The following CDH8 variants were observed in gnomAD, a reference collection of about 807,000 sequenced individuals.
CDH8 encodes cadherin-8.
Under a neutral mutation model 68.1 loss-of-function variants are expected in CDH8, and 17 were observed. The ratio of observed to expected loss-of-function variants is 0.25; its 90% CI spans 0.17 to 0.37. The LOEUF is 0.37. CDH8 is among the 10% of genes least tolerant of loss of function. The pLI is 1.00. For missense variants in CDH8, 763 were observed against 999.3 expected (o/e 0.76, Z 3.19); for synonymous variants, 372 against 365.1 (o/e 1.02, Z -0.21).
intron 2 of CDH8, among the ~76,000 whole-genome samples, chr16:61,954,188 T>A (rs1964945848): frequency 6.6e-6 from 1 of 151,890 alleles, no homozygotes; most frequent in Non-Finnish European, 1.5e-5. Flanking sequence ...TAAAACACAT[T>A]TTGAAGTTGG....
intron 2 of CDH8, among the ~76,000 whole-genome samples, chr16:61,948,641 G>T (rs971942455): frequency 2.1e-4 from 32 of 152,278 alleles, no homozygotes; most frequent in African/African-American, 7.2e-4. Context: ...CAAACCCAGG[G>T]AGTCATTGTT....
intron 3 of CDH8, among the ~76,000 whole-genome samples, chr16:61,863,616 C>T (rs140242564): frequency 6.6e-6 from 1 of 152,224 alleles, no homozygotes; most frequent in East Asian, 1.9e-4. Context: ...AAAGCTAAAA[C>T]TCTTATGATC....
At chr16:61,700,102 C>T (rs74870650) in intron 10 of CDH8, among the ~76,000 whole-genome samples, 10,064 of 152,054 alleles carry the variant, frequency 0.066, 742 homozygotes, top group East Asian at 0.23. Context: ...CAGTATCTTA[C>T]ATTTGATGGC....
intron 5 of CDH8, among the ~76,000 whole-genome samples, chr16:61,824,723 C>T (rs1367545866): frequency 6.6e-6 from 1 of 151,888 alleles, no homozygotes; most frequent in Non-Finnish European, 1.5e-5. Flanking sequence ...CCCTCTCAAG[C>T]TTTCATAAAG....
chr16:61,731,711 A>G (rs1003165294), intron 8 of CDH8, among the ~76,000 whole-genome samples: 2 of 151,780 alleles, frequency 1.3e-5, no homozygotes, highest in Non-Finnish European at 1.5e-5. Flanking sequence ...AGTTTCCAAA[A>G]AAAGTTACAT....
At chr16:61,921,296 C>T (rs1272735580) in intron 2 of CDH8, among the ~76,000 whole-genome samples, 1 of 150,628 alleles carries the variant, frequency 6.6e-6, no homozygotes, top group Non-Finnish European at 1.5e-5. Flanking sequence ...AAGAGTGTAG[C>T]CTGATTGTTT....
chr16:61,666,674 AT>A (rs1371343071), intron 10 of CDH8, among the ~76,000 whole-genome samples: 43 of 152,040 alleles, frequency 2.8e-4, no homozygotes, highest in Admixed American at 2.8e-3. Flanking sequence ...TGACTTGCAA[AT>A]TTATTTCAAA....
chr16:61,665,752 T>TTTCCTTCCTTCCTTCCTTCCTTCC (rs35414891), intron 10 of CDH8, among the ~76,000 whole-genome samples: 35 of 99,738 alleles, frequency 3.5e-4, no homozygotes, highest in East Asian at 2.5e-3. Flanking sequence ...CTGAATTTAT[T>TTTCCTTCCTTCCTTCCTTCCTTCC]TTCCTTCCTT....
chr16:61,701,776 T>C (rs2142849836), intron 10 of CDH8, among the ~76,000 whole-genome samples: 1 of 152,320 alleles, frequency 6.6e-6, no homozygotes, highest in East Asian at 1.9e-4. Context: ...TGACTAACTT[T>C]CCAGCAAGCA....
chr16:61,768,398 TTC>T (rs530131371), intron 8 of CDH8, among the ~76,000 whole-genome samples: 362 of 35,198 alleles, frequency 0.01, 12 homozygotes, highest in African/African-American at 0.039. Flanking sequence ...CTCTCTCCCT[TTC>T]TCTCTCTCTC....
At position 61,929,944 on chromosome 16, in the gene CDH8, T is replaced by G. The variant is rs541911172; in HGVS notation, c.253-28471A>C. 5.9e-5 allele frequency among the ~76,000 whole-genome samples: 9 copies of G among 152,236 alleles called. No homozygotes were observed. In the South Asian group the frequency reaches 1.5e-3, roughly 25 times the overall value. ...ATATTCAAAACACATGTCAATTACATGACTCAGCCAAAAGCCAATATTAAA... is the reference window on the plus strand; with the variant it reads ...ATATTCAAAACACATGTCAATTACAGGACTCAGCCAAAAGCCAATATTAAA... On this transcript the variant is annotated intron_variant, in intron 2 of 11. Coordinates refer to ENST00000577390, the MANE Select transcript of CDH8 (RefSeq NM_001796.5).
intron 10 of CDH8, among the ~76,000 whole-genome samples, chr16:61,672,297 A>G (rs1459746847): frequency 6.6e-6 from 1 of 152,094 alleles, no homozygotes; most frequent in East Asian, 1.9e-4. Context: ...AAAGGCTTAT[A>G]TTAGGTGCAA....
intron 3 of CDH8, among the ~76,000 whole-genome samples, chr16:61,875,964 C>T (rs1485614526): frequency 6.6e-6 from 1 of 152,162 alleles, no homozygotes; most frequent in Non-Finnish European, 1.5e-5. Context: ...GCAACCTCTG[C>T]CTCCCATGTT....
At chr16:61,840,492 C>A (rs1301628595) in intron 4 of CDH8, among the ~76,000 whole-genome samples, 1 of 152,104 alleles carries the variant, frequency 6.6e-6, no homozygotes, top group African/African-American at 2.4e-5. Context: ...TAGAAAAATA[C>A]CTGGCACATA....
intron 8 of CDH8, among the ~76,000 whole-genome samples, chr16:61,768,356 C>CCCTT (rs1960667397): frequency 1.9e-4 from 21 of 112,130 alleles, no homozygotes; most frequent in Non-Finnish European, 3.2e-4. Context: ...CTCTCTCTCT[C>CCCTT]TCTCTCTCTC....
chr16:61,864,363 C>T (rs573939989), intron 3 of CDH8, among the ~76,000 whole-genome samples: 1 of 151,786 alleles, frequency 6.6e-6, no homozygotes, highest in Non-Finnish European at 1.5e-5. Context: ...GTCTCCACCC[C>T]CTCCCCATCA....
intron 7 of CDH8, among the ~76,000 whole-genome samples, chr16:61,800,704 G>C (rs901309709): frequency 2.0e-5 from 3 of 152,124 alleles, no homozygotes; most frequent in African/African-American, 7.2e-5. Context: ...TCATGGGGTA[G>C]AGCTAATAAA....
intron 10 of CDH8, among the ~76,000 whole-genome samples, chr16:61,694,167 G>A (rs1177637990): frequency 6.6e-6 from 1 of 152,128 alleles, no homozygotes; most frequent in African/African-American, 2.4e-5. Flanking sequence ...GTGCCACACT[G>A]CATCTTGGCA....
At chr16:61,824,111 T>C (rs978184822) in intron 5 of CDH8, among the ~76,000 whole-genome samples, 1 of 151,830 alleles carries the variant, frequency 6.6e-6, no homozygotes, top group Non-Finnish European at 1.5e-5. Context: ...AAGGAGATCC[T>C]GTCATTTGCA....
Sources: gnomAD v4.1 joint callset for allele counts (sites outside exome capture counted in the v4.1 genomes callset) on GRCh38, gnomAD v4.1.1 for gene constraint, MANE v1.5 for transcripts, NCBI Gene and HGNC (gene_info 2026-07-23, HGNC 2026-07-21) for gene names.